Variants in PLCG2 observed in about 807,000 individuals in gnomAD.
The protein encoded by PLCG2 is phospholipase C gamma 2.
A neutral mutation model predicts 175.6 loss-of-function variants in PLCG2; 69 were observed. The ratio of observed to expected loss-of-function variants is 0.39; its 90% CI spans 0.32 to 0.48. The LOEUF (loss-of-function observed/expected upper bound fraction) is 0.48, where lower values mean the gene tolerates loss of function less well. Among genes scored for constraint, PLCG2 ranks in the 20% least tolerant of loss-of-function variants. PLCG2 has a pLI of 0.91. For synonymous variants in PLCG2, 827 were observed against 624.0 expected (o/e 1.33, Z -4.85); for missense variants, 1,798 against 1,650.9 (o/e 1.09, Z -1.54).
At chr16:81,827,009 C>G (rs1479248327) in intron 2 of PLCG2, among the ~76,000 whole-genome samples, 3 of 152,198 alleles carry the variant, frequency 2.0e-5, no homozygotes, top group African/African-American at 7.2e-5. Context: ...TACTTCCAGC[C>G]TCCCTGTTCC....
chr16:81,896,403 CACACACACACACACACACACACAA>C (rs1187033741), intron 13 of PLCG2, among the ~76,000 whole-genome samples: 7 of 141,854 alleles, frequency 4.9e-5, no homozygotes, highest in Admixed American at 1.4e-4. Context: ...CACACACACA[CACACACACACACACACACACACAA>C]ATCATCTGGG....
chr16:81,754,309 C>G (rs1276279156), intron 1 of PLCG2, among the ~76,000 whole-genome samples: 1 of 107,636 alleles, frequency 9.3e-6, no homozygotes, highest in Non-Finnish European at 1.9e-5. Context: ...CTCGCCTCCC[C>G]CACCTCCTTC....
rs1555509092 is a variant in PLCG2 at position 81,816,651 on chromosome 16, A to ACTTTTTTTTTTTTTTTTT, written c.193+30469_193+30470insCTTTTTTTTTTTTTTTTT. 3.7e-5 allele frequency among the ~76,000 whole-genome samples: 4 copies of ACTTTTTTTTTTTTTTTTT among 108,858 alleles called. 2 individuals carry two copies. The highest frequency in any genetic ancestry group is 1.5e-4 in the African/African-American group (4 of 26,478). 71.4% of individuals were successfully genotyped at this position (108,858 alleles called of 152,430 possible). On this transcript the variant is annotated intron_variant, in intron 2 of 32. Transcript: ENST00000564138. ...GCACCACCATGCCCAGCTAATTTTA[A>ACTTTTTTTTTTTTTTTTT]TTTTTTTTTTTTTTTTTTTTTTTTT...
chr16:81,908,059 C>A (rs765415779), intron 16 of PLCG2, among the ~76,000 whole-genome samples: 1 of 152,206 alleles, frequency 6.6e-6, no homozygotes, highest in Non-Finnish European at 1.5e-5. Context: ...CCCATGCTTT[C>A]CTGTTGCCCT....
upstream of PLCG2, among the ~76,000 whole-genome samples, chr16:81,777,009 T>C (rs979284543): frequency 1.3e-5 from 2 of 151,852 alleles, no homozygotes; most frequent in African/African-American, 2.4e-5. Context: ...AAGAAGAAAA[T>C]GAATTAAAAA....
intron 2 of PLCG2, among the ~76,000 whole-genome samples, chr16:81,823,206 A>C (rs1460704292): frequency 6.6e-6 from 1 of 152,222 alleles, no homozygotes; most frequent in Non-Finnish European, 1.5e-5. Flanking sequence ...TTTTCAGTTC[A>C]GCCTAGGGGA....
intron 3 of PLCG2, 103 bp from the exon 4 acceptor site, chr16:81,858,160 C>T: frequency 1.2e-6 from 1 of 826,706 alleles, no homozygotes; most frequent in South Asian, 1.4e-5. Context: ...TAGAAACCAG[C>T]ATAGGCTTCT....
At chr16:81,912,776 A>G (rs1597127483) in intron 19 of PLCG2, 60 bp downstream of exon 19, 2 of 1,504,400 alleles carry the variant, frequency 1.3e-6, no homozygotes, top group South Asian at 1.4e-5. Flanking sequence ...ACAGATGCGG[A>G]GAGACAAGGG....
chr16:81,860,905 A>T (rs1906947324), intron 5 of PLCG2, among the ~76,000 whole-genome samples: 1 of 152,016 alleles, frequency 6.6e-6, no homozygotes, highest in South Asian at 2.1e-4. Flanking sequence ...TGAACCCGGG[A>T]GGTGGAGGTT....
rs1597123529 is a variant in PLCG2 at position 81,907,766 on chromosome 16, G to A, written c.1549G>A (p.Val517Met). The A allele has an allele frequency of 6.2e-7, 1 of 1,612,890 alleles. No homozygotes were observed. Among genetic ancestry groups the A allele is most frequent in the Non-Finnish European group, 8.5e-7 (1 of 1,179,184 alleles). The change falls in exon 16 of 33, where the codon GTG (valine) becomes ATG (methionine). Residue 517 changes from valine (V) to methionine (M), a missense_variant. Val to Met is a conservative substitution (Grantham distance 21). Coordinates refer to ENST00000564138, the MANE Select transcript of PLCG2 (RefSeq NM_002661.5). Reference sequence around the variant, plus strand: ...CATTGAACAGACTATGGAGGAGGAAGTGCCCCAGGTAGGGGGACACCCTAG... The same window carrying A: ...CATTGAACAGACTATGGAGGAGGAAATGCCCCAGGTAGGGGGACACCCTAG... ...DDIEQTMEEE[V>M]PQDIPPTELH...
chr16:81,746,384 C>T (rs573247442), intron 1 of PLCG2, among the ~76,000 whole-genome samples: 2 of 152,294 alleles, frequency 1.3e-5, no homozygotes, highest in South Asian at 2.1e-4. Flanking sequence ...AGCATGGCCG[C>T]AGCGGTGAAC....
intron 9 of PLCG2, among the ~76,000 whole-genome samples, chr16:81,887,977 T>C (rs1908452775): frequency 6.6e-6 from 1 of 152,224 alleles, no homozygotes; most frequent in Non-Finnish European, 1.5e-5. Context: ...TGTTTGCCTA[T>C]TCTTTTGAAA....
intron 6 of PLCG2, among the ~76,000 whole-genome samples, 196 bp downstream of exon 6, chr16:81,869,494 A>T (rs1907410392): frequency 6.6e-6 from 1 of 152,198 alleles, no homozygotes; most frequent in Non-Finnish European, 1.5e-5. Context: ...AGAGAATGTA[A>T]TCAATAAAGA....
intron 2 of PLCG2, among the ~76,000 whole-genome samples, chr16:81,799,553 G>C (rs1365373329): frequency 6.6e-6 from 1 of 151,906 alleles, no homozygotes; most frequent in African/African-American, 2.4e-5. Context: ...GCCTCCCAAA[G>C]TGCTGGGATT....
At chr16:81,837,089 G>T (rs1283607919) in intron 2 of PLCG2, among the ~76,000 whole-genome samples, 2 of 152,172 alleles carry the variant, frequency 1.3e-5, no homozygotes, top group African/African-American at 2.4e-5. Context: ...TAAGGTAGTT[G>T]TCTGTATTTT....
chr16:81,857,563 C>T (rs1051517121), intron 3 of PLCG2, among the ~76,000 whole-genome samples: 1 of 152,164 alleles, frequency 6.6e-6, no homozygotes, highest in African/African-American at 2.4e-5. Flanking sequence ...GACTTGCAGA[C>T]AGCTGCCTTC....
At chr16:81,778,615 C>T (rs564890749), upstream of PLCG2, among the ~76,000 whole-genome samples, 38 of 152,252 alleles carry the variant, frequency 2.5e-4, no homozygotes, top group South Asian at 7.7e-3. Context: ...GTTCTTTGCT[C>T]CTGACTCCCT....
chr16:81,953,818 T>C (rs186430956), intron 31 of PLCG2, among the ~76,000 whole-genome samples: 5 of 152,334 alleles, frequency 3.3e-5, no homozygotes, highest in African/African-American at 1.2e-4. Flanking sequence ...GTATGTAATA[T>C]AGCTGCAAAT....
intron 1 of PLCG2, among the ~76,000 whole-genome samples, chr16:81,780,988 C>T (rs1468314807): frequency 6.6e-6 from 1 of 152,110 alleles, no homozygotes; most frequent in Non-Finnish European, 1.5e-5. Flanking sequence ...GATCATGCCA[C>T]TGCACTCCAG....
Sources: gnomAD v4.1 joint callset for allele counts (sites outside exome capture counted in the v4.1 genomes callset) on GRCh38, gnomAD v4.1.1 for gene constraint, MANE v1.5 for transcripts, NCBI Gene and HGNC (gene_info 2026-07-23, HGNC 2026-07-21) for gene names.